Variants in RBM47 observed in about 807,000 individuals in gnomAD.
RBM47 encodes the protein RNA-binding protein 47.
Under a neutral mutation model 47.1 loss-of-function variants are expected in RBM47, and 21 were observed. The ratio of observed to expected loss-of-function variants is 0.45; its 90% CI spans 0.32 to 0.64. The LOEUF (loss-of-function observed/expected upper bound fraction) is 0.64, where lower values mean the gene tolerates loss of function less well. Ranked by LOEUF, RBM47 falls within the 30% of genes least tolerant of loss-of-function variation. The pLI, the probability that RBM47 is intolerant of heterozygous loss-of-function variation, is 0.05. For synonymous variants in RBM47, 375 were observed against 361.7 expected (o/e 1.04, Z -0.42); for missense variants, 708 against 870.9 (o/e 0.81, Z 2.35).
intron 2 of RBM47, among the ~76,000 whole-genome samples, chr4:40,504,131 T>C (rs1360960980): frequency 6.6e-6 from 1 of 152,170 alleles, no homozygotes; most frequent in East Asian, 1.9e-4. Flanking sequence ...TTTGGAACAG[T>C]ATTAGTAGGG....
chr4:40,569,678 G>A (rs1482438960), intron 1 of RBM47, among the ~76,000 whole-genome samples: 1 of 150,724 alleles, frequency 6.6e-6, no homozygotes, highest in African/African-American at 2.4e-5. Flanking sequence ...CAAAGTGCTG[G>A]GATTACAGGC....
chr4:40,552,007 C>CA (rs1306602675), intron 1 of RBM47, among the ~76,000 whole-genome samples: 1 of 152,130 alleles, frequency 6.6e-6, no homozygotes. Context: ...GGCATTGACT[C>CA]AAAAACTGGA....
chr4:40,477,322 A>G (rs185980116), intron 2 of RBM47, among the ~76,000 whole-genome samples: 1 of 152,352 alleles, frequency 6.6e-6, no homozygotes, highest in Admixed American at 6.5e-5. Flanking sequence ...TAAATTATCA[A>G]CAAGTTAACA....
At chr4:40,454,657 G>A (rs750569663) in intron 3 of RBM47, among the ~76,000 whole-genome samples, 12 of 152,008 alleles carry the variant, frequency 7.9e-5, no homozygotes, top group Non-Finnish European at 1.6e-4. Flanking sequence ...CGCCATGCCC[G>A]GGTAATTTTT....
intron 2 of RBM47, among the ~76,000 whole-genome samples, chr4:40,521,151 T>A (rs1303222615): frequency 1.1e-4 from 16 of 152,098 alleles, no homozygotes; most frequent in Non-Finnish European, 8.8e-5. Context: ...GTATTAATTT[T>A]ATTTTATTTT....
intron 2 of RBM47, among the ~76,000 whole-genome samples, chr4:40,503,323 G>C (rs1330381015): frequency 6.6e-6 from 1 of 152,218 alleles, no homozygotes; most frequent in Non-Finnish European, 1.5e-5. Context: ...ATTGGGAAGA[G>C]TAGGTGTACT....
intron 1 of RBM47, among the ~76,000 whole-genome samples, chr4:40,582,154 C>G (rs1376138868): frequency 6.6e-6 from 1 of 152,152 alleles, no homozygotes; most frequent in East Asian, 1.9e-4. Context: ...TGTCTTAGTT[C>G]AAGTTCTTCA....
At chr4:40,603,949 T>C (rs1211160132) in intron 1 of RBM47, among the ~76,000 whole-genome samples, 1 of 152,158 alleles carries the variant, frequency 6.6e-6, no homozygotes, top group Non-Finnish European at 1.5e-5. Context: ...TGTCCCTGAC[T>C]CCAGGATCTC....
chr4:40,518,153 CTTTTCTTTTTTT>C (rs1429768250), intron 2 of RBM47, among the ~76,000 whole-genome samples: 1 of 99,546 alleles, frequency 1.0e-5, no homozygotes. Flanking sequence ...TGTTTCTTTT[CTTTTCTTTTTTT>C]TTTTTTTTTT....
chr4:40,565,808 C>A (rs1032814982), intron 1 of RBM47, among the ~76,000 whole-genome samples: 16 of 152,168 alleles, frequency 1.1e-4, no homozygotes, highest in African/African-American at 3.9e-4. Context: ...CCCAGCAGCT[C>A]ATGCCTGTAA....
chr4:40,530,357 G>A (rs1727272258), intron 2 of RBM47, among the ~76,000 whole-genome samples: 1 of 151,752 alleles, frequency 6.6e-6, no homozygotes, highest in Non-Finnish European at 1.5e-5. Context: ...AGGCTGTAGT[G>A]CAGTGGTACA....
intron 1 of RBM47, among the ~76,000 whole-genome samples, chr4:40,626,234 T>C (rs35639496): frequency 0.028 from 4,191 of 152,268 alleles, 90 homozygotes; most frequent in Non-Finnish European, 0.04. Flanking sequence ...TGTAATTGTT[T>C]TGTTTTGTTT....
rs184075311 is a variant in RBM47, at chr4:40,627,907, T to A, written c.-240+1489A>T. Among the ~76,000 whole-genome samples, 577 of 151,574 alleles carry A rather than the reference T, an allele frequency of 3.8e-3. 2 individuals carry two copies. The highest frequency in any genetic ancestry group is 5.9e-3 in the Non-Finnish European group (401 of 67,976). On this transcript the variant is annotated intron_variant, in intron 1 of 6. Coordinates refer to ENST00000295971, the MANE Select transcript of RBM47 (RefSeq NM_001098634.2). ...AAAATATAGAGATTGGTAAAAAAAA[T>A]GATGATGATGAATTCTCAATCCTAC...
chr4:40,544,533 T>C (rs1728835737), intron 1 of RBM47, 27 bp from the exon 2 acceptor site: 1 of 152,170 alleles, frequency 6.6e-6, no homozygotes, highest in South Asian at 2.1e-4. Flanking sequence ...ATAACACTAC[T>C]GACCCAAAGG....
chr4:40,534,224 C>T (rs969084220), intron 2 of RBM47, among the ~76,000 whole-genome samples: 1 of 152,028 alleles, frequency 6.6e-6, no homozygotes, highest in Non-Finnish European at 1.5e-5. Context: ...CCTCAGCCAC[C>T]CACAGTGCTG....
Position 40,437,114 on chromosome 4 carries a change from AT to A in RBM47, c.1124-468del, listed in dbSNP as rs1712680961. Among the ~76,000 whole-genome samples the A allele has an allele frequency of 1.1e-4, 8 of 71,018 alleles. 1 individual carries two copies. Among genetic ancestry groups the A allele is most frequent in the South Asian group, 3.6e-4 (1 of 2,784 alleles). The allele number at this position is 71,018 out of a possible 152,430, so 46.6% of individuals were successfully genotyped here. A position where few individuals can be genotyped will look rare whatever the true frequency, so the allele number is the denominator to read the frequency against. ...AAATATATATATATATATATATAAA[AT>A]ACATATATATATATATAAAATACAT... On this transcript the variant is annotated intron_variant, in intron 4 of 6. Coordinates refer to ENST00000295971, the MANE Select transcript of RBM47 (RefSeq NM_001098634.2).
intron 1 of RBM47, among the ~76,000 whole-genome samples, chr4:40,619,772 C>G (rs962515532): frequency 6.6e-6 from 1 of 152,198 alleles, no homozygotes; most frequent in African/African-American, 2.4e-5. Flanking sequence ...CCTGTGGGTT[C>G]CTGGTTCCTT....
intron 1 of RBM47, among the ~76,000 whole-genome samples, chr4:40,580,439 T>C (rs1421055272): frequency 6.7e-6 from 1 of 149,436 alleles, no homozygotes. Flanking sequence ...TCTCAGATCA[T>C]TGTGGACACC....
In RBM47 at chr4:40,425,553, T is replaced by C. The variant is rs1381340008; in HGVS notation, c.*351A>G. On this transcript the variant is annotated 3_prime_UTR_variant, in exon 7 of 7. Coordinates refer to ENST00000295971, the MANE Select transcript of RBM47 (RefSeq NM_001098634.2). ...GAAGGTACTACAAAATAGAAATCTCTGGAGTGCAGAAGTTAAGAAAATAAC... is the reference window on the plus strand; with the variant it reads ...GAAGGTACTACAAAATAGAAATCTCCGGAGTGCAGAAGTTAAGAAAATAAC... 5.6e-6 allele frequency: 1 copy of C among 177,244 alleles called. No homozygotes were observed. Among genetic ancestry groups the C allele is most frequent in the African/African-American group, 2.4e-5 (1 of 42,114 alleles). 11.0% of individuals were successfully genotyped at this position (177,244 alleles called of 1,614,324 possible).
Sources: allele counts gnomAD v4.1 joint callset (sites outside exome capture counted in the v4.1 genomes callset), GRCh38; gene constraint gnomAD v4.1.1; transcripts MANE v1.5; gene names NCBI Gene and HGNC (gene_info 2026-07-23, HGNC 2026-07-21).